Variants in DNAH8 observed in about 807,000 individuals in gnomAD.
DNAH8 encodes the protein dynein axonemal heavy chain 8, also known as axonemal beta dynein heavy chain 8.
A neutral mutation model predicts 562.1 loss-of-function variants in DNAH8; 382 were observed. The observed-to-expected ratio is 0.68, with a 90% CI of 0.63 to 0.74. The LOEUF (loss-of-function observed/expected upper bound fraction) is 0.74, where lower values mean the gene tolerates loss of function less well. DNAH8 is among the 30% of genes least tolerant of loss of function. The pLI, the probability that DNAH8 is intolerant of heterozygous loss-of-function variation, is 0.00. For missense variants in DNAH8, 5,203 were observed against 5,620.4 expected (o/e 0.93, Z 2.37); for synonymous variants, 1,881 against 1,919.4 (o/e 0.98, Z 0.52).
At chr6:38,860,047 A>ATCCCTTTTGTTCCCCGC in intron 42 of DNAH8, among the ~76,000 whole-genome samples, 1 of 151,662 alleles carries the variant, frequency 6.6e-6, no homozygotes, top group South Asian at 2.1e-4. Context: ...CACCCTCATG[A>ATCCCTTTTGTTCCCCGC]TCCCTTTTGT....
intron 89 of DNAH8, among the ~76,000 whole-genome samples, chr6:39,010,799 A>ACGCG (rs1554163097): frequency 1.9e-5 from 2 of 105,106 alleles, no homozygotes; most frequent in African/African-American, 8.0e-5. Flanking sequence ...ACGCACGTGT[A>ACGCG]CGCACACACA....
chr6:38,924,203 A>G, intron 73 of DNAH8, 41 bp downstream of exon 73: 5 of 1,598,592 alleles, frequency 3.1e-6, no homozygotes, highest in South Asian at 1.1e-5. Context: ...TTTCAGTCTC[A>G]TTTTATTTCT....
rs74319465 is a variant in DNAH8 at position 38,770,918 on chromosome 6, T to C, written c.1764+359T>C. On this transcript the variant is annotated intron_variant, in intron 12 of 92. Transcript: ENST00000327475. ...CTGATAGAAGTCAGTAGTTGTGGAA[T>C]CTCCGGATGTATAAGCATGTCCTCT... Among the ~76,000 whole-genome samples, 465 of 152,288 alleles carry C rather than the reference T, an allele frequency of 3.1e-3. 6 individuals are homozygous for C. Among genetic ancestry groups the C allele is most frequent in the African/African-American group, 0.011 (437 of 41,554 alleles).
chr6:38,824,291 G>C (rs566735459), intron 28 of DNAH8, among the ~76,000 whole-genome samples: 1 of 152,300 alleles, frequency 6.6e-6, no homozygotes, highest in South Asian at 2.1e-4. Context: ...GACTGTGGAC[G>C]TAGACAGGTT....
chr6:38,989,739 A>G (rs1404770216), intron 87 of DNAH8, among the ~76,000 whole-genome samples: 2 of 152,184 alleles, frequency 1.3e-5, no homozygotes, highest in African/African-American at 2.4e-5. Context: ...AAATGACTCA[A>G]TCAGAGAATG....
At chr6:38,803,107 A>G (rs1352203053) in intron 21 of DNAH8, 72 bp from the exon 22 acceptor site, 1 of 1,031,274 alleles carries the variant, frequency 9.7e-7, no homozygotes, top group African/African-American at 1.7e-5. Flanking sequence ...TATAAATTAA[A>G]GTCATAGGAC....
chr6:38,895,999 A>G (rs888831001), intron 59 of DNAH8, 34 bp from the exon 60 acceptor site: 29 of 1,572,848 alleles, frequency 1.8e-5, no homozygotes, highest in Non-Finnish European at 2.3e-5. Flanking sequence ...ATGCTTTCAT[A>G]TTTAACATTC....
At chr6:38,925,756 G>T (rs539728157) in intron 73 of DNAH8, among the ~76,000 whole-genome samples, 1 of 152,048 alleles carries the variant, frequency 6.6e-6, no homozygotes, top group African/African-American at 2.4e-5. Context: ...CCCAAATCAG[G>T]TTTAATATGC....
At chr6:38,887,628 G>A (rs886594755) in intron 57 of DNAH8, among the ~76,000 whole-genome samples, 1 of 152,020 alleles carries the variant, frequency 6.6e-6, no homozygotes, top group Admixed American at 6.6e-5. Context: ...GATTGCTTGA[G>A]CCTAGGAGGT....
At chr6:38,767,086 A>C (rs1372288721) in intron 11 of DNAH8, among the ~76,000 whole-genome samples, 1 of 152,204 alleles carries the variant, frequency 6.6e-6, no homozygotes, top group African/African-American at 2.4e-5. Context: ...CATCACTGCT[A>C]TCCATTTCAG....
At chr6:38,803,380 C>T in intron 22 of DNAH8, 69 bp downstream of exon 22, 1 of 1,238,184 alleles carries the variant, frequency 8.1e-7, no homozygotes, top group Non-Finnish European at 1.1e-6. Context: ...GCACCTTCTG[C>T]TTAGCAGGTA....
chr6:38,977,456 G>A (rs1202667253), intron 85 of DNAH8, among the ~76,000 whole-genome samples: 3 of 152,040 alleles, frequency 2.0e-5, no homozygotes, highest in Admixed American at 6.5e-5. Flanking sequence ...TTTATTCCCA[G>A]GACCCTGGTG....
At chr6:38,967,712 GA>G (rs148960395) in intron 82 of DNAH8, among the ~76,000 whole-genome samples, 1,720 of 152,168 alleles carry the variant, frequency 0.011, 28 homozygotes, top group African/African-American at 0.039. Context: ...TAGATCAAGA[GA>G]TTTAACTCAA....
chr6:38,898,347 GT>G lies in DNAH8; in HGVS notation c.9036del (p.Phe3012LeufsTer5). ...TTAGAGGAACATCTCTTGATCTGGT[GT>G]TTTTTAAAGATGCAATGACTCATCT... ...IIRGTSLDLVFFKDAMTHLIK... is the reference protein window; with the variant it reads ...IIRGTSLDLVXFKDAMTHLIK... On this transcript the variant is annotated frameshift_variant, in exon 61 of 93. Transcript: ENST00000327475. LOFTEE classifies it high-confidence loss of function. 1 of 1,583,890 alleles carries G rather than the reference GT, an allele frequency of 6.3e-7. No homozygotes were observed. Among genetic ancestry groups the G allele is most frequent in the Non-Finnish European group, 8.5e-7 (1 of 1,170,682 alleles).
rs764068888 is a variant in DNAH8, at chr6:38,722,950, C to T, written c.141C>T (p.Phe47=). The T allele has an allele frequency of 6.2e-7, 1 of 1,612,674 alleles. No homozygotes were observed. Among genetic ancestry groups the T allele is most frequent in the Non-Finnish European group, 8.5e-7 (1 of 1,179,732 alleles). ...TGGAGGCCCCGGCAGAAGATGGTTT[C>T]TCTCCTTCCGCAGAAGATGCTGTTT... ...PTVEAPAEDG[F]SPSAEDAVSS... The change falls in exon 2 of 93, where the codon TTC becomes TTT. Residue 47 remains phenylalanine (F), a synonymous_variant. Coordinates refer to ENST00000327475, the MANE Select transcript of DNAH8 (RefSeq NM_001206927.2).
Position 38,984,453 on chromosome 6 carries a change from C to T in DNAH8, c.13053+146C>T, listed in dbSNP as rs1470624602. 1.9e-4 allele frequency: 118 copies of T among 612,850 alleles called. No homozygotes were observed. In the African/African-American group the frequency reaches 2.1e-3, roughly 11 times the overall value. 38.0% of individuals were successfully genotyped at this position (612,850 alleles called of 1,614,324 possible). On this transcript the variant is annotated intron_variant, in intron 87 of 92. Coordinates refer to ENST00000327475, the MANE Select transcript of DNAH8 (RefSeq NM_001206927.2). ...AGAAACAAATGCATGTGTGCGCTTA[C>T]ACACACGCACACACATGCACACACA...
intron 68 of DNAH8, among the ~76,000 whole-genome samples, chr6:38,916,997 T>C (rs1421668756): frequency 6.6e-6 from 1 of 152,200 alleles, no homozygotes; most frequent in African/African-American, 2.4e-5. Flanking sequence ...AGGTCTATGA[T>C]GGCAATGCCT....
chr6:38,898,174 T>C, intron 60 of DNAH8, 84 bp from the exon 61 acceptor site: 2 of 1,220,166 alleles, frequency 1.6e-6, no homozygotes, highest in Non-Finnish European at 2.3e-6. Flanking sequence ...ATTTTAAAAT[T>C]ACTTTTGAGT....
At chr6:38,829,054 T>G (rs928011312) in intron 30 of DNAH8, among the ~76,000 whole-genome samples, 1 of 152,240 alleles carries the variant, frequency 6.6e-6, no homozygotes, top group African/African-American at 2.4e-5. Flanking sequence ...ATTGTCCATG[T>G]GCGAGGACTT....
Sources: gnomAD v4.1 joint callset for allele counts (sites outside exome capture counted in the v4.1 genomes callset) on GRCh38, gnomAD v4.1.1 for gene constraint, MANE v1.5 for transcripts, NCBI Gene and HGNC (gene_info 2026-07-23, HGNC 2026-07-21) for gene names.